NTSR2: variants seen among roughly 807,000 people sequenced by gnomAD.
NTSR2 encodes neurotensin receptor 2, also known as neurotensin receptor type 2.
A neutral mutation model predicts 24.1 loss-of-function variants in NTSR2; 22 were observed. The observed-to-expected ratio is 0.91, with a 90% confidence interval of 0.65 to 1.30. The LOEUF is 1.30. Among genes scored for constraint, NTSR2 ranks in the 50% most tolerant of loss-of-function variants. NTSR2 has a pLI of 0.00. For synonymous variants in NTSR2, 291 were observed against 267.0 expected, an observed-to-expected ratio of 1.09 and a Z score of -0.88; for missense variants, 570 against 570.4, an observed-to-expected ratio of 1.00 and a Z score of 0.01.
Position 11,658,528 on chromosome 2 carries a change from A to G in NTSR2, c.1184T>C (p.Leu395Pro). 6.2e-7 allele frequency: 1 copy of G among 1,614,016 alleles called. No homozygotes were observed. Among genetic ancestry groups the G allele is most frequent in the Non-Finnish European group, 8.5e-7 (1 of 1,179,932 alleles). Reference sequence around the variant, plus strand: ...CCCAAAGCCTGAAGCTGTATCCATTAGGGTGGGACTCTGGGGCTTCGGGGG... The same window carrying G: ...CCCAAAGCCTGAAGCTGTATCCATTGGGGTGGGACTCTGGGGCTTCGGGGG... Reference protein sequence around the residue: ...RLPPKPQSPTLMDTASGFGDP... With the variant: ...RLPPKPQSPTPMDTASGFGDP... The change falls in exon 4 of 4, where the codon CTA becomes CCA. Residue 395 changes from leucine to proline, a missense_variant. Coordinates refer to ENST00000306928, the MANE Select transcript of NTSR2 (RefSeq NM_012344.4).
At chr2:11,662,782 A>AC (rs1296712513) in intron 1 of NTSR2, among the ~76,000 whole-genome samples, 2 of 151,306 alleles carry the variant, frequency 1.3e-5, no homozygotes. Flanking sequence ...CTCCGTCTCA[A>AC]AAAAAAAATG....
In NTSR2 at chr2:11,669,503, T is replaced by TA; in HGVS notation, c.624+2dup. The stretch of plus-strand genomic sequence containing the variant: ...CCCCGACTCCCGCTCTCCACGCCCT[T>TA]ACCTGGATAAAGACTTGGAGCGCGG... On this transcript the variant is annotated splice_region_variant and intron_variant, in intron 1 of 3. Transcript: ENST00000306928. 1 of 857,328 alleles carries TA rather than the reference T, an allele frequency of 1.2e-6. No homozygotes were observed. The highest frequency in any genetic ancestry group is 1.4e-6 in the Non-Finnish European group (1 of 737,778). 53.1% of individuals were successfully genotyped at this position (857,328 alleles called of 1,614,324 possible).
intron 2 of NTSR2, 57 bp downstream of exon 2, chr2:11,661,910 A>C: frequency 6.9e-7 from 1 of 1,457,174 alleles, no homozygotes; most frequent in African/African-American, 1.4e-5. Flanking sequence ...GGATTGGTGG[A>C]GGCAGCCCTG....
chr2:11,669,856 A>T lies in NTSR2; in HGVS notation c.274T>A (p.Tyr92Asn). 1 of 1,585,930 alleles carries T rather than the reference A, an allele frequency of 6.3e-7. No individual in the cohort carries two copies. The highest frequency in any genetic ancestry group is 2.3e-5 in the East Asian group (1 of 44,072). ...LLLVGVPVEL[Y>N]SFVWFHYPWV... ...GGGTAGTGGAACCACACGAAGCTGT[A>T]GAGCTCCACCGGCACGCCGACCAGC... The change falls in exon 1 of 4, where the codon TAC becomes AAC. Residue 92 changes from tyrosine (Y) to asparagine (N), a missense_variant. Coordinates refer to ENST00000306928, the MANE Select transcript of NTSR2 (RefSeq NM_012344.4).
chr2:11,669,460 G>GGGGCCGGGGGGCCCCCCCCC, intron 1 of NTSR2, 46 bp downstream of exon 1: 1 of 254,726 alleles, frequency 3.9e-6, no homozygotes, highest in Non-Finnish European at 6.9e-6. Context: ...TCCCAGCACC[G>GGGGCCGGGGGGCCCCCCCCC]CCCCCCCACC....
chr2:11,663,332 T>C (rs1160402136), intron 1 of NTSR2, among the ~76,000 whole-genome samples: 1 of 151,862 alleles, frequency 6.6e-6, no homozygotes, highest in African/African-American at 2.4e-5. Flanking sequence ...AGATGAGACT[T>C]CCCTATGGTC....
chr2:11,664,129 A>T (rs371797980), intron 1 of NTSR2, among the ~76,000 whole-genome samples: 18 of 143,350 alleles, frequency 1.3e-4, no homozygotes, highest in Middle Eastern at 3.6e-3. Flanking sequence ...AACACTGAGC[A>T]TTTTTTTTTT....
rs147194498 is a variant in NTSR2 at position 11,666,328 on chromosome 2, A to T, written c.624+3178T>A. On this transcript the variant is annotated intron_variant, in intron 1 of 3. Transcript: ENST00000306928. ...TTTGCTTACTCATGCTCAAATTTTTAAAAAATGTACATATATAACTTTGCT... is the reference window on the plus strand; with the variant it reads ...TTTGCTTACTCATGCTCAAATTTTTTAAAAATGTACATATATAACTTTGCT... Among the ~76,000 whole-genome samples the T allele has an allele frequency of 2.4e-3, 359 of 152,302 alleles. 4 individuals carry two copies. The highest frequency in any genetic ancestry group is 8.3e-3 in the African/African-American group (344 of 41,566).
chr2:11,669,494 C>T lies in NTSR2; in HGVS notation c.624+12G>A. ...CCCCCCCTCCCCCGACTCCCGCTCTCCACGCCCTTACCTGGATAAAGACTT... is the reference window on the plus strand; with the variant it reads ...CCCCCCCTCCCCCGACTCCCGCTCTTCACGCCCTTACCTGGATAAAGACTT... On this transcript the variant is annotated intron_variant, in intron 1 of 3. Transcript: ENST00000306928. 1.5e-6 allele frequency: 2 copies of T among 1,328,796 alleles called. No individual in the cohort carries two copies. Among genetic ancestry groups the T allele is most frequent in the Non-Finnish European group, 1.9e-6 (2 of 1,035,008 alleles). The allele number at this position is 1,328,796 out of a possible 1,614,324, so 82.3% of individuals were successfully genotyped here.
Position 11,658,319 on chromosome 2 carries a change from C to A in NTSR2, c.*160G>T. ...GGGAGCCTGAGGCTAGGAGGGGTCACGTGGCTTCCCTGCGCTTGATGGTTC... is the reference window on the plus strand; with the variant it reads ...GGGAGCCTGAGGCTAGGAGGGGTCAAGTGGCTTCCCTGCGCTTGATGGTTC... On this transcript the variant is annotated 3_prime_UTR_variant, in exon 4 of 4. Coordinates refer to ENST00000306928, the MANE Select transcript of NTSR2 (RefSeq NM_012344.4). The A allele has an allele frequency of 3.2e-6, 3 of 934,698 alleles. No individual in the cohort carries two copies. Among genetic ancestry groups the A allele is most frequent in the Non-Finnish European group, 4.7e-6 (3 of 631,832 alleles). The allele number at this position is 934,698 out of a possible 1,614,324, so 57.9% of individuals were successfully genotyped here.
chr2:11,665,675 A>T (rs981231925), intron 1 of NTSR2: 2 of 152,190 alleles, frequency 1.3e-5, no homozygotes, highest in Non-Finnish European at 2.9e-5. Context: ...GGTGATGATG[A>T]CCTCACTATC....
rs1257639932 is a variant in NTSR2 at position 11,658,370 on chromosome 2, T to C, written c.*109A>G. 1.4e-6 allele frequency: 2 copies of C among 1,453,464 alleles called. No homozygotes were observed. Among genetic ancestry groups the C allele is most frequent in the African/African-American group, 1.4e-5 (1 of 70,506 alleles). The allele number at this position is 1,453,464 out of a possible 1,614,324, so 90.0% of individuals were successfully genotyped here. On this transcript the variant is annotated 3_prime_UTR_variant, in exon 4 of 4. Coordinates refer to ENST00000306928, the MANE Select transcript of NTSR2 (RefSeq NM_012344.4). The stretch of plus-strand genomic sequence containing the variant: ...TCAGCAGAGCAGGGGTTGATAGAAG[T>C]CGCCCTGGCTGCGAAGCTTGAATGA...
intron 2 of NTSR2, among the ~76,000 whole-genome samples, chr2:11,660,891 C>T (rs530460316): frequency 6.6e-6 from 1 of 152,310 alleles, no homozygotes; most frequent in East Asian, 1.9e-4. Flanking sequence ...CTTTCTATAT[C>T]CAGTCTATTG....
intron 1 of NTSR2, among the ~76,000 whole-genome samples, chr2:11,663,529 A>G (rs1045863962): frequency 6.6e-6 from 1 of 152,242 alleles, no homozygotes; most frequent in Non-Finnish European, 1.5e-5. Context: ...AACTATGCAA[A>G]TGAAAAAAAA....
At chr2:11,666,997 G>A (rs1661215610) in intron 1 of NTSR2, among the ~76,000 whole-genome samples, 1 of 152,222 alleles carries the variant, frequency 6.6e-6, no homozygotes, top group Non-Finnish European at 1.5e-5. Context: ...GCAATATTCT[G>A]GGCAATTCCA....
At chr2:11,659,921 A>G in intron 3 of NTSR2, 122 bp downstream of exon 3, 1 of 695,300 alleles carries the variant, frequency 1.4e-6, no homozygotes, top group South Asian at 1.8e-5. Context: ...GACCAGGTGG[A>G]ATGCGGTCCA....
Position 11,658,856 on chromosome 2 carries a change from T to C in NTSR2, c.990-134A>G. The C allele has an allele frequency of 2.8e-6, 3 of 1,080,330 alleles. No homozygotes were observed. The East Asian group carries it at 7.3e-5, about 26-fold the overall frequency. The allele number at this position is 1,080,330 out of a possible 1,614,324, so 66.9% of individuals were successfully genotyped here. A position where few individuals can be genotyped will look rare whatever the true frequency, so the allele number is the denominator to read the frequency against. On this transcript the variant is annotated intron_variant, in intron 3 of 3. Coordinates refer to ENST00000306928, the MANE Select transcript of NTSR2 (RefSeq NM_012344.4). ...TTTCTGCTATCAGGAAGCACAGTGT[T>C]TTTGTTTGTTTGTTTGTTTTTGAGA...
In NTSR2 at chr2:11,659,837, C is replaced by T. The variant is rs139108971; in HGVS notation, c.989+206G>A. On this transcript the variant is annotated intron_variant, in intron 3 of 3. Coordinates refer to ENST00000306928, the MANE Select transcript of NTSR2 (RefSeq NM_012344.4). The stretch of plus-strand genomic sequence containing the variant: ...GTCTTGGCTAGGCCTCTTACGCACA[C>T]GGCCTTACCAGGTCAGATACAATGT... Among the ~76,000 whole-genome samples, 198 of 152,302 alleles carry T rather than the reference C, an allele frequency of 1.3e-3. 8 individuals are homozygous for T. The East Asian group carries it at 0.033, about 26-fold the overall frequency.
chr2:11,669,325 C>T (rs1456205214), intron 1 of NTSR2, among the ~76,000 whole-genome samples, 181 bp downstream of exon 1: 1 of 152,240 alleles, frequency 6.6e-6, no homozygotes, highest in African/African-American at 2.4e-5. Flanking sequence ...TCTCTCAATG[C>T]TTCACTTTGG....
Sources: allele counts gnomAD v4.1 joint callset (sites outside exome capture counted in the v4.1 genomes callset), GRCh38; gene constraint gnomAD v4.1.1; transcripts MANE v1.5; gene names NCBI Gene and HGNC (gene_info 2026-07-23, HGNC 2026-07-21).